SEMA3A: variants seen among roughly 807,000 people sequenced by gnomAD.
SEMA3A encodes semaphorin-3A.
A neutral mutation model predicts 97.9 loss-of-function variants in SEMA3A; 29 were observed. The observed-to-expected ratio is 0.30, with a 90% CI of 0.22 to 0.40. The LOEUF (loss-of-function observed/expected upper bound fraction) is 0.40. SEMA3A is among the 10% of genes least tolerant of loss of function. SEMA3A has a pLI of 1.00. For missense variants in SEMA3A, 763 were observed against 951.3 expected, an observed-to-expected ratio of 0.80 and a Z score of 2.60; for synonymous variants, 321 against 323.7, an observed-to-expected ratio of 0.99 and a Z score of 0.09.
chr7:84,052,036 C>A (rs1281485919), intron 5 of SEMA3A, among the ~76,000 whole-genome samples: 2 of 151,934 alleles, frequency 1.3e-5, no homozygotes, highest in Non-Finnish European at 2.9e-5. Flanking sequence ...TATATTGAAC[C>A]AGCCTTGCAT....
chr7:84,099,060 A>ATT (rs1292131325), intron 4 of SEMA3A, among the ~76,000 whole-genome samples: 1 of 108,368 alleles, frequency 9.2e-6, no homozygotes, highest in African/African-American at 3.0e-5. Flanking sequence ...CAGGAATTAC[A>ATT]TTTTCTTTTT....
chr7:84,308,525 G>T (rs1483644037), intron 2 of SEMA3A, among the ~76,000 whole-genome samples: 1 of 152,172 alleles, frequency 6.6e-6, no homozygotes, highest in Non-Finnish European at 1.5e-5. Context: ...AGACTCATCT[G>T]GGTGGATATT....
chr7:84,460,476 T>G, intron 1 of SEMA3A, among the ~76,000 whole-genome samples: 1 of 152,090 alleles, frequency 6.6e-6, no homozygotes, highest in Non-Finnish European at 1.5e-5. Flanking sequence ...AACTTAAAGG[T>G]TATTATGTAT....
chr7:84,282,872 G>T (rs964158662), intron 3 of SEMA3A, among the ~76,000 whole-genome samples: 2 of 152,002 alleles, frequency 1.3e-5, no homozygotes, highest in African/African-American at 4.8e-5. Context: ...AAATTAGCCA[G>T]GTGTGTTGGC....
At chr7:84,428,813 A>T (rs1462920949) in intron 1 of SEMA3A, among the ~76,000 whole-genome samples, 1 of 152,106 alleles carries the variant, frequency 6.6e-6, no homozygotes, top group Non-Finnish European at 1.5e-5. Context: ...AACAATGACT[A>T]TCAAATGTAA....
At chr7:84,350,776 G>T (rs1046093778) in intron 2 of SEMA3A, among the ~76,000 whole-genome samples, 3 of 151,928 alleles carry the variant, frequency 2.0e-5, no homozygotes, top group Non-Finnish European at 2.9e-5. Flanking sequence ...AATTCTATAT[G>T]GTTGCTATTT....
intron 2 of SEMA3A, among the ~76,000 whole-genome samples, chr7:84,341,848 C>G (rs1321162558): frequency 6.6e-6 from 1 of 152,142 alleles, no homozygotes; most frequent in East Asian, 1.9e-4. Context: ...ACTATGACTG[C>G]TGACCACCTT....
chr7:84,210,765 T>C (rs1471306601), intron 3 of SEMA3A, among the ~76,000 whole-genome samples: 1 of 152,106 alleles, frequency 6.6e-6, no homozygotes, highest in Admixed American at 6.6e-5. Flanking sequence ...ATTTATTATT[T>C]ACACCACTGA....
chr7:84,330,479 T>G (rs193196555), intron 2 of SEMA3A, among the ~76,000 whole-genome samples: 40 of 152,230 alleles, frequency 2.6e-4, no homozygotes, highest in African/African-American at 8.9e-4. Flanking sequence ...GAAGTTCATG[T>G]GTTTAGATGA....
chr7:84,185,639 AGAGATCAC>A (rs1334602190), intron 1 of SEMA3A, among the ~76,000 whole-genome samples: 5 of 149,890 alleles, frequency 3.3e-5, no homozygotes, highest in Non-Finnish European at 7.4e-5. Context: ...TACAGTGAGC[AGAGATCAC>A]GCCATTGCAC....
At chr7:84,431,813 C>A (rs568780344) in intron 1 of SEMA3A, among the ~76,000 whole-genome samples, 1 of 151,900 alleles carries the variant, frequency 6.6e-6, no homozygotes, top group East Asian at 1.9e-4. Flanking sequence ...GGGTACCCTG[C>A]CTTCAAAGAG....
intron 1 of SEMA3A, among the ~76,000 whole-genome samples, chr7:84,492,194 C>A (rs368972638): frequency 3.1e-4 from 47 of 152,122 alleles, no homozygotes; most frequent in South Asian, 4.1e-4. Flanking sequence ...GCAGTTAATA[C>A]GGCAAAATAC....
intron 4 of SEMA3A, among the ~76,000 whole-genome samples, chr7:84,061,515 T>C (rs1033069434): frequency 6.6e-6 from 1 of 152,198 alleles, no homozygotes; most frequent in Non-Finnish European, 1.5e-5. Flanking sequence ...TGTATGCTTT[T>C]TCCAGTAGTA....
At chr7:84,407,695 G>C (rs1043134177) in intron 1 of SEMA3A, among the ~76,000 whole-genome samples, 1 of 152,044 alleles carries the variant, frequency 6.6e-6, no homozygotes, top group African/African-American at 2.4e-5. Context: ...CCAAAACAGA[G>C]ATGTAGACCA....
At chr7:84,156,562 A>G (rs1796850490) in intron 1 of SEMA3A, among the ~76,000 whole-genome samples, 1 of 152,224 alleles carries the variant, frequency 6.6e-6, no homozygotes, top group South Asian at 2.1e-4. Context: ...TGGATTCTGT[A>G]TGAAGAAATT....
At chr7:84,355,529 A>G (rs1724788754) in intron 2 of SEMA3A, among the ~76,000 whole-genome samples, 1 of 151,912 alleles carries the variant, frequency 6.6e-6, no homozygotes, top group African/African-American at 2.4e-5. Flanking sequence ...TTACGTAACT[A>G]ACATTCACAA....
intron 3 of SEMA3A, 54 bp from the exon 4 acceptor site, chr7:84,110,643 T>C (rs1182866139): frequency 3.1e-6 from 5 of 1,587,674 alleles, no homozygotes; most frequent in Non-Finnish European, 4.3e-6. Flanking sequence ...GACTGAGGTA[T>C]CCTCTAGGGT....
intron 2 of SEMA3A, among the ~76,000 whole-genome samples, chr7:84,309,636 G>A (rs1801264210): frequency 6.6e-6 from 1 of 152,080 alleles, no homozygotes; most frequent in Non-Finnish European, 1.5e-5. Flanking sequence ...TACCACGTGT[G>A]GGCTTCTTTC....
At chr7:84,129,425 C>A (rs1245505487) in intron 2 of SEMA3A, among the ~76,000 whole-genome samples, 5 of 152,156 alleles carry the variant, frequency 3.3e-5, no homozygotes. Flanking sequence ...AAGAGAGAAA[C>A]TGGTGTAGAC....
Sources: allele counts gnomAD v4.1 joint callset (sites outside exome capture counted in the v4.1 genomes callset), GRCh38; gene constraint gnomAD v4.1.1; transcripts MANE v1.5; gene names NCBI Gene and HGNC (gene_info 2026-07-23, HGNC 2026-07-21).